STOX1: variants seen among roughly 807,000 people sequenced by gnomAD.
STOX1 encodes storkhead box 1, also known as storkhead-box protein 1.
STOX1 carries 57 observed loss-of-function variants against 74.8 expected under a neutral mutation model. That is an observed-to-expected ratio of 0.76 (90% CI 0.62 to 0.95). STOX1 has a LOEUF of 0.95. Among genes scored for constraint, STOX1 ranks in the 40% least tolerant of loss-of-function variants. The probability of loss-of-function intolerance (pLI) is 0.00; values close to 1 mark genes in which losing one functional copy is unlikely to be tolerated. For synonymous variants in STOX1, 375 were observed against 401.3 expected (o/e 0.93, Z 0.78); for missense variants, 1,010 against 1,117.0 (o/e 0.90, Z 1.37).
chr10:68,880,267 C>CT, intron 1 of STOX1, among the ~76,000 whole-genome samples: 1 of 151,088 alleles, frequency 6.6e-6, no homozygotes, highest in South Asian at 2.1e-4. Flanking sequence ...ATTTCAGCCT[C>CT]TAACTCCTGG....
intron 3 of STOX1, 49 bp from the exon 4 acceptor site, chr10:68,892,540 T>C (rs757484150): frequency 1.9e-6 from 3 of 1,576,770 alleles, no homozygotes; most frequent in South Asian, 2.2e-5. Flanking sequence ...TGGTTAGAAA[T>C]TCAAGTTCCC....
chr10:68,859,556 A>G (rs201235869), intron 1 of STOX1, among the ~76,000 whole-genome samples: 2 of 152,098 alleles, frequency 1.3e-5, no homozygotes, highest in East Asian at 1.9e-4. Flanking sequence ...TGTTGAAAAT[A>G]AGTATTTAGT....
At chr10:68,837,842 A>G (rs574467259) in intron 1 of STOX1, among the ~76,000 whole-genome samples, 2 of 152,244 alleles carry the variant, frequency 1.3e-5, no homozygotes, top group African/African-American at 2.4e-5. Context: ...CAGATTTGGC[A>G]TCGGACTCCA....
intron 1 of STOX1, among the ~76,000 whole-genome samples, chr10:68,830,268 TC>T (rs1839371634): frequency 6.6e-6 from 1 of 152,184 alleles, no homozygotes; most frequent in East Asian, 1.9e-4. Context: ...GCAGTGGACT[TC>T]CGCCGGCTCA....
intron 1 of STOX1, among the ~76,000 whole-genome samples, chr10:68,866,826 A>G (rs1170222913): frequency 6.6e-6 from 1 of 152,168 alleles, no homozygotes; most frequent in Non-Finnish European, 1.5e-5. Flanking sequence ...GAGTGGCCTG[A>G]ACTGGGAATG....
chr10:68,832,786 CAG>C (rs1392591530), intron 1 of STOX1, among the ~76,000 whole-genome samples: 2 of 151,930 alleles, frequency 1.3e-5, no homozygotes, highest in African/African-American at 4.8e-5. Flanking sequence ...TGTTTTGAGA[CAG>C]AGTCTTGCTC....
At chr10:68,880,318 A>G (rs1840786960) in intron 1 of STOX1, among the ~76,000 whole-genome samples, 1 of 151,978 alleles carries the variant, frequency 6.6e-6, no homozygotes, top group Non-Finnish European at 1.5e-5. Flanking sequence ...AGCAGCTACG[A>G]CAGGCACACC....
intron 1 of STOX1, among the ~76,000 whole-genome samples, chr10:68,836,151 C>T (rs999091424): frequency 7.2e-5 from 11 of 152,290 alleles, no homozygotes; most frequent in Middle Eastern, 3.4e-3. Context: ...ATTATGGGCG[C>T]GAGCCACCAC....
chr10:68,865,017 G>T (rs1194239159), intron 1 of STOX1, among the ~76,000 whole-genome samples: 1 of 152,180 alleles, frequency 6.6e-6, no homozygotes, highest in Non-Finnish European at 1.5e-5. Context: ...TCTGAATTTT[G>T]CCAGGAGCTA....
downstream of STOX1, among the ~76,000 whole-genome samples, chr10:68,894,321 G>T (rs191897584): frequency 6.6e-6 from 1 of 152,120 alleles, no homozygotes; most frequent in Admixed American, 6.6e-5. Context: ...GGCTTCCAAA[G>T]TGCTGGGATT....
chr10:68,828,255 G>T, intron 1 of STOX1: 2 of 1,126,854 alleles, frequency 1.8e-6, no homozygotes, highest in South Asian at 4.1e-5. Context: ...CGCGGCTTCC[G>T]CATCAGGGCG....
At chr10:68,871,480 C>T (rs940094055) in intron 1 of STOX1, among the ~76,000 whole-genome samples, 1 of 152,244 alleles carries the variant, frequency 6.6e-6, no homozygotes, top group African/African-American at 2.4e-5. Flanking sequence ...TTGAACAGCT[C>T]ATCTTCCCAA....
intron 1 of STOX1, among the ~76,000 whole-genome samples, chr10:68,841,515 A>G (rs1250449175): frequency 6.6e-6 from 1 of 152,178 alleles, no homozygotes; most frequent in Non-Finnish European, 1.5e-5. Context: ...AGCATATTAC[A>G]TGTATTATTT....
Position 68,885,784 on chromosome 10 carries a change from T to A in STOX1, c.1988T>A (p.Ile663Lys), listed in dbSNP as rs1840934870. 1 of 1,614,096 alleles carries A rather than the reference T, an allele frequency of 6.2e-7. No homozygotes were observed. Among genetic ancestry groups the A allele is most frequent in the Non-Finnish European group, 8.5e-7 (1 of 1,180,030 alleles). ...PSACRLVDNT[I>K]HQFQNLGLLD... ...GCTTGTAGATTAGTGGATAACACAATACACCAGTTTCAAAATCTTGGCCTT... is the reference window on the plus strand; with the variant it reads ...GCTTGTAGATTAGTGGATAACACAAAACACCAGTTTCAAAATCTTGGCCTT... The change falls in exon 3 of 4, where the codon ATA (isoleucine) becomes AAA (lysine). Residue 663 changes from isoleucine to lysine, a missense_variant. Ile to Lys is a moderately radical substitution (Grantham distance 102, BLOSUM62 -3). Coordinates refer to ENST00000298596, the MANE Select transcript of STOX1 (RefSeq NM_152709.5).
At chr10:68,889,372 A>G (rs1841045459) in intron 3 of STOX1, among the ~76,000 whole-genome samples, 1 of 152,228 alleles carries the variant, frequency 6.6e-6, no homozygotes, top group South Asian at 2.1e-4. Flanking sequence ...TATGTTGCCC[A>G]GGCTGGCCTT....
intron 1 of STOX1, among the ~76,000 whole-genome samples, chr10:68,870,818 C>T (rs994330005): frequency 6.6e-6 from 1 of 152,186 alleles, no homozygotes; most frequent in African/African-American, 2.4e-5. Flanking sequence ...CTCAGTCCTA[C>T]AACCATAAGG....
chr10:68,868,305 G>A (rs747379205), intron 1 of STOX1, among the ~76,000 whole-genome samples: 1 of 152,222 alleles, frequency 6.6e-6, no homozygotes, highest in Non-Finnish European at 1.5e-5. Flanking sequence ...CATCGTTTCT[G>A]CAGTTTATAG....
intron 1 of STOX1, among the ~76,000 whole-genome samples, chr10:68,853,703 T>A (rs962260746): frequency 6.6e-6 from 1 of 152,012 alleles, no homozygotes; most frequent in Non-Finnish European, 1.5e-5. Context: ...TTTTGTTTTT[T>A]GAGACGGAGT....
chr10:68,884,952 G>C lies in STOX1; in HGVS notation c.1156G>C (p.Glu386Gln). Residue 386 changes from glutamate to glutamine, a missense_variant, in exon 3 of 4, where the codon GAA becomes CAA. Physicochemically the swap from Glu to Gln is conservative, Grantham distance 29. Transcript: ENST00000298596. ...CACTGTCCTAATGCAAAAATACGAA[G>C]AACAGAAAAAATATAATAGCCAGGG... ...KHTVLMQKYE[E>Q]QKKYNSQGTS... is the part of the protein sequence containing the mutation. 1 of 1,614,018 alleles carries C rather than the reference G, an allele frequency of 6.2e-7. No homozygotes were observed. The highest frequency in any genetic ancestry group is 8.5e-7 in the Non-Finnish European group (1 of 1,180,002).
Sources: allele counts gnomAD v4.1 joint callset (sites outside exome capture counted in the v4.1 genomes callset), GRCh38; gene constraint gnomAD v4.1.1; transcripts MANE v1.5; gene names NCBI Gene and HGNC (gene_info 2026-07-23, HGNC 2026-07-21).